The following DLGAP1 variants were observed in gnomAD, a reference collection of about 807,000 sequenced individuals.
DLGAP1 encodes the protein disks large-associated protein 1.
A neutral mutation model predicts 90.8 loss-of-function variants in DLGAP1; 11 were observed. The ratio of observed to expected loss-of-function variants is 0.12; its 90% CI spans 0.08 to 0.20. The LOEUF is 0.20. DLGAP1 is among the 10% of genes least tolerant of loss of function. DLGAP1 has a pLI of 1.00. For synonymous variants in DLGAP1, 558 were observed against 540.7 expected (o/e 1.03, Z -0.44); for missense variants, 1,050 against 1,333.8 (o/e 0.79, Z 3.31).
At chr18:3,861,709 T>C (rs1235569652) in intron 4 of DLGAP1, among the ~76,000 whole-genome samples, 2 of 152,220 alleles carry the variant, frequency 1.3e-5, no homozygotes, top group Non-Finnish European at 2.9e-5. Context: ...GTCAGTCAAA[T>C]GTGCAATCTC....
intron 7 of DLGAP1, among the ~76,000 whole-genome samples, chr18:3,599,600 C>T (rs564857440): frequency 1.3e-5 from 2 of 152,212 alleles, no homozygotes; most frequent in African/African-American, 4.8e-5. Context: ...GAAAAGACAG[C>T]TCCAAGGACA....
At chr18:3,502,794 G>A in intron 11 of DLGAP1, 149 bp from the exon 12 acceptor site, 1 of 840,204 alleles carries the variant, frequency 1.2e-6, no homozygotes, top group East Asian at 2.7e-5. Flanking sequence ...GGTTACAAAT[G>A]TTAATTTTAT....
At chr18:4,276,332 G>C (rs1383888632) in intron 1 of DLGAP1, among the ~76,000 whole-genome samples, 1 of 151,976 alleles carries the variant, frequency 6.6e-6, no homozygotes, top group African/African-American at 2.4e-5. Flanking sequence ...TTTATAGATG[G>C]AGGTTAAAAT....
chr18:3,959,318 T>C (rs547554331), intron 3 of DLGAP1, among the ~76,000 whole-genome samples: 1 of 152,244 alleles, frequency 6.6e-6, no homozygotes, highest in Non-Finnish European at 1.5e-5. Flanking sequence ...TTTTGCACAG[T>C]TTTTCTTCAA....
chr18:4,332,508 G>C (rs902948367), intron 1 of DLGAP1, among the ~76,000 whole-genome samples: 2 of 151,686 alleles, frequency 1.3e-5, no homozygotes, highest in African/African-American at 4.9e-5. Flanking sequence ...GTAAAGATTA[G>C]CAAAAACAAG....
intron 1 of DLGAP1, among the ~76,000 whole-genome samples, chr18:4,441,872 T>C (rs940832324): frequency 2.0e-5 from 3 of 152,254 alleles, no homozygotes; most frequent in African/African-American, 7.2e-5. Flanking sequence ...TGTCAGGCAC[T>C]GGGTTAGGCA....
chr18:3,958,354 AT>A (rs1289989266), intron 3 of DLGAP1, among the ~76,000 whole-genome samples: 1 of 150,588 alleles, frequency 6.6e-6, no homozygotes, highest in Non-Finnish European at 1.5e-5. Flanking sequence ...TAAGGAAGTT[AT>A]GTATGCATGA....
intron 9 of DLGAP1, among the ~76,000 whole-genome samples, chr18:3,538,437 G>A (rs1011457844): frequency 6.6e-5 from 10 of 151,746 alleles, no homozygotes; most frequent in African/African-American, 2.4e-4. Flanking sequence ...TGAATGCAAT[G>A]TTACAAGTCT....
At chr18:3,840,192 A>C (rs2068635930) in intron 4 of DLGAP1, among the ~76,000 whole-genome samples, 2 of 152,114 alleles carry the variant, frequency 1.3e-5, no homozygotes, top group South Asian at 4.1e-4. Flanking sequence ...GCCATGTTTC[A>C]TTTCCCAAAA....
intron 6 of DLGAP1, among the ~76,000 whole-genome samples, chr18:3,740,538 T>TTC (rs1268356148): frequency 6.6e-6 from 1 of 152,130 alleles, no homozygotes; most frequent in Non-Finnish European, 1.5e-5. Flanking sequence ...TCTTCAGGAC[T>TTC]CCATTTAGAG....
At chr18:3,851,878 G>A (rs2069362821) in intron 4 of DLGAP1, among the ~76,000 whole-genome samples, 1 of 152,082 alleles carries the variant, frequency 6.6e-6, no homozygotes, top group South Asian at 2.1e-4. Flanking sequence ...GAAATGAGAA[G>A]AAAACAGGAG....
At chr18:3,756,253 G>A (rs553266654) in intron 5 of DLGAP1, among the ~76,000 whole-genome samples, 11 of 152,166 alleles carry the variant, frequency 7.2e-5, no homozygotes, top group South Asian at 4.2e-4. Context: ...GTTTCGCCAT[G>A]TTAGCCAGGA....
At chr18:4,102,051 C>A (rs555816590) in intron 2 of DLGAP1, among the ~76,000 whole-genome samples, 5 of 151,788 alleles carry the variant, frequency 3.3e-5, no homozygotes, top group Admixed American at 6.6e-5. Flanking sequence ...TTAAAGGGAG[C>A]CATATATATA....
chr18:4,192,766 C>A (rs2077424835), intron 1 of DLGAP1, among the ~76,000 whole-genome samples: 1 of 152,116 alleles, frequency 6.6e-6, no homozygotes, highest in African/African-American at 2.4e-5. Context: ...TGTGGATCTG[C>A]AGACTAGAGG....
chr18:3,873,007 G>A (rs998783088), intron 4 of DLGAP1, among the ~76,000 whole-genome samples: 2 of 152,192 alleles, frequency 1.3e-5, no homozygotes, highest in Admixed American at 6.5e-5. Flanking sequence ...TGGTGTTGCC[G>A]AAAATGTCTT....
At chr18:3,960,785 T>C (rs2073182503) in intron 3 of DLGAP1, among the ~76,000 whole-genome samples, 1 of 152,146 alleles carries the variant, frequency 6.6e-6, no homozygotes, top group Admixed American at 6.5e-5. Flanking sequence ...AGGTGCCTGC[T>C]CCCCAGCCAG....
intron 4 of DLGAP1, among the ~76,000 whole-genome samples, chr18:3,826,664 C>G (rs1230010720): frequency 6.6e-6 from 1 of 152,052 alleles, no homozygotes; most frequent in Non-Finnish European, 1.5e-5. Context: ...TGTGGGGGTC[C>G]ATTTCAGGAG....
chr18:3,532,676 TTAGA>T (rs2052091575), intron 10 of DLGAP1, among the ~76,000 whole-genome samples: 1 of 152,194 alleles, frequency 6.6e-6, no homozygotes, highest in South Asian at 2.1e-4. Context: ...CAATACTCTT[TTAGA>T]TGCTTTGCAC....
intron 1 of DLGAP1, chr18:4,293,292 CAG>C (rs1411828171): frequency 2.0e-5 from 3 of 152,228 alleles, no homozygotes; most frequent in Non-Finnish European, 4.4e-5. Flanking sequence ...CTACCTGTGG[CAG>C]ACTCAGTGGA....
Sources: gnomAD v4.1 joint callset for allele counts (sites outside exome capture counted in the v4.1 genomes callset) on GRCh38, gnomAD v4.1.1 for gene constraint, MANE v1.5 for transcripts, NCBI Gene and HGNC (gene_info 2026-07-23, HGNC 2026-07-21) for gene names.